Variants in RALGPS2 observed in about 807,000 individuals in gnomAD.
RALGPS2 encodes the protein Ral GEF with PH domain and SH3 binding motif 2.
A neutral mutation model predicts 86.8 loss-of-function variants in RALGPS2; 43 were observed. The ratio of observed to expected loss-of-function variants is 0.50; its 90% CI spans 0.39 to 0.64. RALGPS2 has a LOEUF of 0.64. RALGPS2 is among the 30% of genes least tolerant of loss of function. RALGPS2 has a pLI of 0.00. For synonymous variants in RALGPS2, 243 were observed against 231.3 expected, an observed-to-expected ratio of 1.05 and a Z score of -0.46; for missense variants, 536 against 694.6, an observed-to-expected ratio of 0.77 and a Z score of 2.57.
chr1:178,891,914 AG>A (rs1302188501), intron 14 of RALGPS2, among the ~76,000 whole-genome samples: 1 of 112,918 alleles, frequency 8.9e-6, no homozygotes, highest in African/African-American at 4.4e-5. Context: ...AGTATTTTTG[AG>A]GTTTTTTTTT....
intron 1 of RALGPS2, among the ~76,000 whole-genome samples, chr1:178,755,512 A>G (rs1385205337): frequency 1.3e-5 from 2 of 152,228 alleles, no homozygotes; most frequent in East Asian, 1.9e-4. Context: ...TGCGAAGGAC[A>G]TGATTTCATT....
At position 178,906,733 on chromosome 1, in the gene RALGPS2, C is replaced by T. The variant is rs1254040275; in HGVS notation, c.1631-43C>T. On this transcript the variant is annotated intron_variant, in intron 18 of 19. Coordinates refer to ENST00000367635, the MANE Select transcript of RALGPS2 (RefSeq NM_152663.5). ...ATCTGGCAGAATTATTATGTGTCGTCCTTACATTTTTAATATTTCCCCCTT... is the reference window on the plus strand; with the variant it reads ...ATCTGGCAGAATTATTATGTGTCGTTCTTACATTTTTAATATTTCCCCCTT... 6 of 1,489,298 alleles carry T rather than the reference C, an allele frequency of 4.0e-6. No individual in the cohort carries two copies. The African/African-American group carries it at 5.6e-5, about 14-fold the overall frequency. The allele number at this position is 1,489,298 out of a possible 1,614,324, so 92.3% of individuals were successfully genotyped here. A position where few individuals can be genotyped will look rare whatever the true frequency, so the allele number is the denominator to read the frequency against.
chr1:178,733,730 A>G (rs532044701), intron 1 of RALGPS2, among the ~76,000 whole-genome samples: 2 of 152,334 alleles, frequency 1.3e-5, no homozygotes, highest in East Asian at 3.9e-4. Flanking sequence ...CCTGATAGAA[A>G]TCAGTATATG....
chr1:178,733,243 A>G (rs1650496515), intron 1 of RALGPS2, among the ~76,000 whole-genome samples: 2 of 152,232 alleles, frequency 1.3e-5, no homozygotes, highest in African/African-American at 2.4e-5. Flanking sequence ...AAATAAGAAC[A>G]TCTACTCATT....
At chr1:178,855,820 T>A (rs768562489) in intron 8 of RALGPS2, among the ~76,000 whole-genome samples, 2 of 151,630 alleles carry the variant, frequency 1.3e-5, no homozygotes, top group Admixed American at 6.6e-5. Flanking sequence ...TTTTCTTTTT[T>A]AATTTCTTTT....
chr1:178,801,807 G>A (rs1189361742), intron 4 of RALGPS2, among the ~76,000 whole-genome samples: 1 of 98,762 alleles, frequency 1.0e-5, no homozygotes, highest in Non-Finnish European at 2.0e-5. Flanking sequence ...AAGGTGACTT[G>A]ATGGGTAGAA....
At chr1:178,852,854 C>T in intron 8 of RALGPS2, 1 of 1,613,908 alleles carries the variant, frequency 6.2e-7, no homozygotes, top group Non-Finnish European at 8.5e-7. Flanking sequence ...TCACTCCAGT[C>T]TTCTAATTCA....
chr1:178,916,399 G>C lies in RALGPS2; in HGVS notation c.*40G>C. ...AAGAGAGGTGAACTGTTGCTTCTAC[G>C]TGAGCATGAGGACCTGATAAAAGAG... On this transcript the variant is annotated 3_prime_UTR_variant, in exon 20 of 20. Transcript: ENST00000367635. 1 of 1,559,252 alleles carries C rather than the reference G, an allele frequency of 6.4e-7. No homozygotes were observed. The highest frequency in any genetic ancestry group is 8.8e-7 in the Non-Finnish European group (1 of 1,134,620).
At chr1:178,762,170 T>C (rs950697404) in intron 1 of RALGPS2, among the ~76,000 whole-genome samples, 19 of 152,234 alleles carry the variant, frequency 1.2e-4, no homozygotes, top group African/African-American at 4.6e-4. Context: ...TCCATGTTGC[T>C]GTAAAGGACA....
chr1:178,897,902 T>G (rs748837771), intron 17 of RALGPS2, 146 bp downstream of exon 17: 1 of 596,334 alleles, frequency 1.7e-6, no homozygotes, highest in Non-Finnish European at 2.9e-6. Flanking sequence ...CATTTATTTC[T>G]TTTTTAAATA....
chr1:178,835,676 A>C (rs890561524), intron 8 of RALGPS2, among the ~76,000 whole-genome samples: 9 of 152,144 alleles, frequency 5.9e-5, no homozygotes, highest in Non-Finnish European at 1.3e-4. Flanking sequence ...TATAGGCATG[A>C]GTGATGGCAC....
At chr1:178,768,492 G>GA (rs1652622616) in intron 1 of RALGPS2, among the ~76,000 whole-genome samples, 1 of 152,172 alleles carries the variant, frequency 6.6e-6, no homozygotes, top group African/African-American at 2.4e-5. Flanking sequence ...TTTTAATTGG[G>GA]ATATGCAGTT....
chr1:178,900,831 G>A (rs1003343253), intron 17 of RALGPS2, among the ~76,000 whole-genome samples: 2 of 151,984 alleles, frequency 1.3e-5, no homozygotes, highest in Admixed American at 6.6e-5. Context: ...GATGGGATTC[G>A]CTGGTGGTTA....
intron 1 of RALGPS2, among the ~76,000 whole-genome samples, chr1:178,771,837 T>C (rs192264724): frequency 1.8e-4 from 28 of 152,340 alleles, no homozygotes; most frequent in Admixed American, 1.6e-3. Flanking sequence ...AGCAGTATAT[T>C]ATAAATATTT....
At chr1:178,823,448 C>T (rs1572368578) in intron 7 of RALGPS2, among the ~76,000 whole-genome samples, 1 of 137,538 alleles carries the variant, frequency 7.3e-6, no homozygotes, top group South Asian at 2.1e-4. Context: ...AATAAATGCT[C>T]TGAAGAAAAG....
intron 8 of RALGPS2, among the ~76,000 whole-genome samples, chr1:178,859,830 C>G (rs1462502049): frequency 3.0e-5 from 3 of 98,540 alleles, no homozygotes; most frequent in South Asian, 4.9e-4. Flanking sequence ...GCCCCCCCCC[C>G]CCCAACCGCC....
At chr1:178,738,374 G>A (rs1178731626) in intron 1 of RALGPS2, among the ~76,000 whole-genome samples, 2 of 151,708 alleles carry the variant, frequency 1.3e-5, no homozygotes, top group Non-Finnish European at 1.5e-5. Context: ...ATGCCTGGCT[G>A]ATTTTTTGTG....
chr1:178,778,031 A>G (rs1215563895), intron 2 of RALGPS2, among the ~76,000 whole-genome samples: 6 of 142,062 alleles, frequency 4.2e-5, no homozygotes, highest in Admixed American at 3.5e-4. Flanking sequence ...ACAAAAGACA[A>G]AATTGACAAA....
At chr1:178,802,164 G>A (rs189636170) in intron 4 of RALGPS2, among the ~76,000 whole-genome samples, 3 of 151,762 alleles carry the variant, frequency 2.0e-5, no homozygotes, top group Admixed American at 1.3e-4. Context: ...ATAAACAGTC[G>A]ATTAACACAT....
Sources: gnomAD v4.1 joint callset for allele counts (sites outside exome capture counted in the v4.1 genomes callset) on GRCh38, gnomAD v4.1.1 for gene constraint, MANE v1.5 for transcripts, NCBI Gene and HGNC (gene_info 2026-07-23, HGNC 2026-07-21) for gene names.